Variants in HECW1 observed in about 807,000 individuals in gnomAD.
HECW1 encodes the protein E3 ubiquitin-protein ligase HECW1.
In HECW1, 61 loss-of-function variants were observed where a neutral mutation model predicts 182.3. The ratio of observed to expected loss-of-function variants is 0.33; its 90% CI spans 0.27 to 0.41. The LOEUF is 0.41. Among genes scored for constraint, HECW1 ranks in the 10% least tolerant of loss-of-function variants. The pLI is 1.00. For missense variants in HECW1, 1,739 were observed against 2,108.9 expected, an observed-to-expected ratio of 0.82 and a Z score of 3.44; for synonymous variants, 859 against 832.6, an observed-to-expected ratio of 1.03 and a Z score of -0.55.
rs2081959771 is a variant in HECW1, at chr7:43,554,592, G to T, written c.4511G>T (p.Gly1504Val). 6.2e-7 allele frequency: 1 copy of T among 1,611,576 alleles called. No homozygotes were observed. Among genetic ancestry groups the T allele is most frequent in the Admixed American group, 1.7e-5 (1 of 59,802 alleles). The change falls in exon 29 of 30, where the codon GGT becomes GTT. Residue 1504 changes from glycine (G) to valine (V), a missense_variant and splice_region_variant. Gly to Val is a moderately radical substitution (Grantham distance 109). This residue lies in a region of HECW1 where 420 missense variants were observed against 595.7 expected (regional missense o/e 0.71). Coordinates refer to ENST00000395891, the MANE Select transcript of HECW1 (RefSeq NM_015052.5). Reference sequence around the variant, plus strand: ...TCCTCCCTCCCTTTGCCTCGTGCAGGTTACCACGATGGGCATCTTGTGATC... The same window carrying T: ...TCCTCCCTCCCTTTGCCTCGTGCAGTTTACCACGATGGGCATCTTGTGATC... ...DWRNNTEYRG[G>V]YHDGHLVIRW...
chr7:43,445,600 A>G (rs1355666462), intron 11 of HECW1, 30 bp downstream of exon 11: 1 of 1,513,054 alleles, frequency 6.6e-7, no homozygotes, highest in Non-Finnish European at 8.9e-7. Context: ...CAGAGTGAGA[A>G]TAGGACCATC....
chr7:43,324,462 G>T (rs1042051924), intron 5 of HECW1, among the ~76,000 whole-genome samples: 2 of 152,178 alleles, frequency 1.3e-5, no homozygotes, highest in Non-Finnish European at 2.9e-5. Flanking sequence ...TTTCAAAAAT[G>T]TATGATTGAG....
At chr7:43,192,611 C>T (rs926550110) in intron 2 of HECW1, among the ~76,000 whole-genome samples, 6 of 152,082 alleles carry the variant, frequency 3.9e-5, no homozygotes, top group Non-Finnish European at 5.9e-5. Context: ...ATAACTTACG[C>T]GTGCTTATTT....
intron 4 of HECW1, among the ~76,000 whole-genome samples, chr7:43,316,564 C>A (rs1220614439): frequency 1.3e-5 from 2 of 151,974 alleles, no homozygotes; most frequent in Non-Finnish European, 2.9e-5. Flanking sequence ...AAATAAACTG[C>A]CTAAGATCAC....
At chr7:43,363,537 T>A (rs1204966110) in intron 6 of HECW1, among the ~76,000 whole-genome samples, 1 of 152,118 alleles carries the variant, frequency 6.6e-6, no homozygotes, top group Non-Finnish European at 1.5e-5. Flanking sequence ...CAACTTCTAG[T>A]CCCCAAGCAT....
chr7:43,398,041 G>T (rs755779583), intron 7 of HECW1, among the ~76,000 whole-genome samples: 23 of 152,196 alleles, frequency 1.5e-4, no homozygotes, highest in Non-Finnish European at 3.1e-4. Flanking sequence ...CAGATCACCT[G>T]AGGTCAGAAG....
chr7:43,298,019 G>A (rs1187576852), intron 3 of HECW1, among the ~76,000 whole-genome samples: 2 of 152,210 alleles, frequency 1.3e-5, no homozygotes, highest in African/African-American at 4.8e-5. Context: ...GTTGCAGTGA[G>A]CTTTAGTGGC....
At chr7:43,296,034 A>C (rs1348126535) in intron 3 of HECW1, among the ~76,000 whole-genome samples, 1 of 152,250 alleles carries the variant, frequency 6.6e-6, no homozygotes, top group East Asian at 1.9e-4. Context: ...AAGTTACAAA[A>C]ATAGAATTAC....
intron 2 of HECW1, among the ~76,000 whole-genome samples, chr7:43,123,088 GA>G (rs1375879557): frequency 2.2e-4 from 33 of 152,266 alleles, no homozygotes; most frequent in Admixed American, 5.9e-4. Context: ...AAGGCAAAAT[GA>G]AAAAGTTGTA....
intron 5 of HECW1, among the ~76,000 whole-genome samples, chr7:43,341,263 A>T (rs1367507819): frequency 6.6e-6 from 1 of 151,574 alleles, no homozygotes; most frequent in Non-Finnish European, 1.5e-5. Context: ...TAACTATGTA[A>T]CAAACCTGCA....
intron 24 of HECW1, chr7:43,522,579 C>CCTCCT: frequency 6.5e-6 from 1 of 153,718 alleles, no homozygotes; most frequent in East Asian, 1.9e-4. Flanking sequence ...CTCACCTGCC[C>CCTCCT]CACAACAGCC....
intron 24 of HECW1, among the ~76,000 whole-genome samples, chr7:43,531,439 C>T (rs915749906): frequency 6.6e-6 from 1 of 152,222 alleles, no homozygotes; most frequent in African/African-American, 2.4e-5. Flanking sequence ...GCACCTGGCA[C>T]ATAGTAGGCA....
chr7:43,187,602 T>C (rs1316344682), intron 2 of HECW1, among the ~76,000 whole-genome samples: 1 of 152,086 alleles, frequency 6.6e-6, no homozygotes, highest in Non-Finnish European at 1.5e-5. Context: ...TTGTGTGAAA[T>C]TTTGATTTTA....
chr7:43,551,920 G>T (rs2081844422), intron 27 of HECW1, among the ~76,000 whole-genome samples: 1 of 152,100 alleles, frequency 6.6e-6, no homozygotes, highest in Non-Finnish European at 1.5e-5. Context: ...AAGGGACACG[G>T]GGTCTGTCTT....
chr7:43,263,213 A>C (rs760426484), intron 3 of HECW1, among the ~76,000 whole-genome samples: 6 of 152,246 alleles, frequency 3.9e-5, no homozygotes, highest in Admixed American at 2.0e-4. Flanking sequence ...TCAAAACTTC[A>C]AAGATTTTTG....
At position 43,533,953 on chromosome 7, in the gene HECW1, CAAG is replaced by C. The variant is rs953405479; in HGVS notation, c.4020-7202_4020-7200del. ...AGCCTGATCTGTTGGGGCAACAGAT[CAAG>C]AAGAAGAGACTAAGAAGGTCACCCA... On this transcript the variant is annotated intron_variant, in intron 24 of 29. Coordinates refer to ENST00000395891, the MANE Select transcript of HECW1 (RefSeq NM_015052.5). Among the ~76,000 whole-genome samples, 10 of 152,164 alleles carry C rather than the reference CAAG, an allele frequency of 6.6e-5. 1 individual carries two copies. The highest frequency in any genetic ancestry group is 6.2e-4 in the South Asian group (3 of 4,810).
At chr7:43,197,917 CCT>C (rs1794619308) in intron 2 of HECW1, among the ~76,000 whole-genome samples, 1 of 151,988 alleles carries the variant, frequency 6.6e-6, no homozygotes, top group African/African-American at 2.4e-5. Context: ...GCACTGGGCC[CCT>C]GATTCCCTGT....
chr7:43,472,111 T>C (rs1049258424), intron 16 of HECW1, among the ~76,000 whole-genome samples: 1 of 152,146 alleles, frequency 6.6e-6, no homozygotes, highest in South Asian at 2.1e-4. Context: ...AATAATAGCA[T>C]AGGGATAAAA....
At chr7:43,304,438 T>C (rs1370209604) in intron 3 of HECW1, among the ~76,000 whole-genome samples, 5 of 151,914 alleles carry the variant, frequency 3.3e-5, no homozygotes, top group Admixed American at 3.3e-4. Flanking sequence ...TACCCACAAG[T>C]GCATTCATTC....
Sources: allele counts gnomAD v4.1 joint callset (sites outside exome capture counted in the v4.1 genomes callset), GRCh38; gene constraint gnomAD v4.1.1; regional missense constraint gnomAD v4.1.1; transcripts MANE v1.5; gene names NCBI Gene and HGNC (gene_info 2026-07-23, HGNC 2026-07-21).